VCAN: variants seen among roughly 807,000 people sequenced by gnomAD.
VCAN encodes the protein versican, also known as versican core protein.
Under a neutral mutation model 245.5 loss-of-function variants are expected in VCAN, and 44 were observed. The observed-to-expected ratio is 0.18, with a 90% CI of 0.14 to 0.23. VCAN has a LOEUF of 0.23. VCAN is among the 10% of genes least tolerant of loss of function. The probability of loss-of-function intolerance (pLI) is 1.00; values close to 1 mark genes in which losing one functional copy is unlikely to be tolerated. For missense variants in VCAN, 3,793 were observed against 4,057.9 expected (o/e 0.93, Z 1.77); for synonymous variants, 1,413 against 1,437.0 (o/e 0.98, Z 0.38).
At chr5:83,555,194 A>G (rs902625349) in intron 12 of VCAN, among the ~76,000 whole-genome samples, 156 bp downstream of exon 12, 2 of 152,190 alleles carry the variant, frequency 1.3e-5, no homozygotes, top group African/African-American at 4.8e-5. Flanking sequence ...AAGAGTTCCA[A>G]GCTACCTGAT....
rs1240452010 is a variant in VCAN, at chr5:83,521,565, G to T, written c.3259G>T (p.Val1087Phe). The change falls in exon 7 of 15, where the codon GTC becomes TTC. Residue 1087 changes from valine to phenylalanine, a missense_variant. By Grantham distance (50) the Val-to-Phe change is conservative. Transcript: ENST00000265077. ...TGAATTGTTGACAGGTTCTGAGAGG[G>T]TCCCAGTTTTAGAAACAACTCCAGT... is the stretch of plus-strand genomic sequence containing the variant. ...EDELLTGSER[V>F]PVLETTPVGK... 1 of 1,614,056 alleles carries T rather than the reference G, an allele frequency of 6.2e-7. No homozygotes were observed. The highest frequency in any genetic ancestry group is 1.3e-5 in the African/African-American group (1 of 75,032).
chr5:83,519,460 T>C lies in VCAN; in HGVS notation c.1154T>C (p.Val385Ala), dbSNP rs1439910727. 7.4e-6 allele frequency: 12 copies of C among 1,614,048 alleles called. No individual in the cohort carries two copies. Among genetic ancestry groups the C allele is most frequent in the Non-Finnish European group, 1.0e-5 (12 of 1,179,980 alleles). ...SDRTTPIIPL[V>A]DELPVIPTEF... ...AGAACTACACCAATCATCCCTTTAG[T>C]TGATGAATTACCTGTCATTCCAACA... Residue 385 changes from valine to alanine, a missense_variant, in exon 7 of 15, where the codon GTT becomes GCT. Val to Ala is a moderately conservative substitution (Grantham distance 64). This residue lies in a region of VCAN where 3,182 missense variants were observed against 3,250.3 expected (regional missense o/e 0.98). Coordinates refer to ENST00000265077, the MANE Select transcript of VCAN (RefSeq NM_004385.5).
In VCAN at chr5:83,541,563, G is replaced by A. The variant is rs747328962; in HGVS notation, c.8560G>A (p.Val2854Ile). ...GCCCAGTGCTCTGCCAGGAATAGAC[G>A]TCGGCTCATCTGTAATGTCCCCACA... ...PQPSALPGID[V>I]GSSVMSPQDS... The change falls in exon 8 of 15, where the codon GTC becomes ATC. Residue 2854 changes from valine (V) to isoleucine (I), a missense_variant. By Grantham distance (29) the Val-to-Ile change is conservative. Around this residue, in one of 5 missense-constraint regions of VCAN, gnomAD observed 3,182 missense variants for 3,250.3 expected, o/e 0.98. Coordinates refer to ENST00000265077, the MANE Select transcript of VCAN (RefSeq NM_004385.5). 15 of 1,613,726 alleles carry A rather than the reference G, an allele frequency of 9.3e-6. No individual in the cohort carries two copies. The highest frequency in any genetic ancestry group is 2.7e-5 in the African/African-American group (2 of 74,882).
chr5:83,532,548 T>G (rs975965751), intron 7 of VCAN, among the ~76,000 whole-genome samples: 1 of 152,002 alleles, frequency 6.6e-6, no homozygotes, highest in African/African-American at 2.4e-5. Flanking sequence ...CATTTCTCTC[T>G]CCTTCAAACT....
chr5:83,545,866 G>A (rs887843448), intron 9 of VCAN, among the ~76,000 whole-genome samples: 2 of 152,146 alleles, frequency 1.3e-5, no homozygotes, highest in African/African-American at 2.4e-5. Flanking sequence ...ACTCAGTGAG[G>A]CCTGCTGAGT....
At chr5:83,501,855 A>G (rs1580611104) in intron 5 of VCAN, among the ~76,000 whole-genome samples, 1 of 152,166 alleles carries the variant, frequency 6.6e-6, no homozygotes, top group South Asian at 2.1e-4. Context: ...ATAGATTGCA[A>G]TGAATCTCTA....
intron 1 of VCAN, among the ~76,000 whole-genome samples, chr5:83,476,423 A>AAATGATAAAAGAAAAT (rs1744393862): frequency 3.3e-5 from 5 of 152,188 alleles, no homozygotes; most frequent in Non-Finnish European, 7.4e-5. Context: ...TTCACCACCC[A>AAATGATAAAAGAAAAT]CGTAGAGAAA....
chr5:83,475,396 TTTTC>T (rs1431373362), intron 1 of VCAN, among the ~76,000 whole-genome samples: 4 of 152,324 alleles, frequency 2.6e-5, no homozygotes, highest in African/African-American at 9.6e-5. Context: ...AGCCACGTCT[TTTTC>T]TTTTTGTCTG....
rs549640238 is a variant in VCAN, at chr5:83,580,535, T to C, written c.*101T>C. ...AGAAGTAATTATCAGTTGGTTTGGA[T>C]TTTTGGACCACCGTTCAGTCATTTT... On this transcript the variant is annotated 3_prime_UTR_variant, in exon 15 of 15. Transcript: ENST00000265077. 1.9e-6 allele frequency: 3 copies of C among 1,549,252 alleles called. No homozygotes were observed. The African/African-American group carries it at 4.1e-5, about 21-fold the overall frequency.
intron 9 of VCAN, 42 bp from the exon 10 acceptor site, chr5:83,547,929 C>G (rs1208282671): frequency 7.8e-6 from 11 of 1,409,062 alleles, no homozygotes; most frequent in Non-Finnish European, 1.1e-5. Context: ...TTCTTTGATA[C>G]TTTTTGAAAG....
At chr5:83,475,666 G>T (rs1744363135) in intron 1 of VCAN, among the ~76,000 whole-genome samples, 1 of 152,298 alleles carries the variant, frequency 6.6e-6, no homozygotes, top group South Asian at 2.1e-4. Context: ...AGTAAAGAAA[G>T]AAATATGTTA....
chr5:83,547,902 C>T (rs1233815271), intron 9 of VCAN, 69 bp from the exon 10 acceptor site: 1 of 1,120,336 alleles, frequency 8.9e-7, no homozygotes, highest in Non-Finnish European at 1.4e-6. Context: ...TATCTTGCAA[C>T]CTCACACTAA....
intron 10 of VCAN, among the ~76,000 whole-genome samples, chr5:83,550,917 AT>A (rs1470563800): frequency 2.8e-5 from 4 of 143,628 alleles, no homozygotes; most frequent in Non-Finnish European, 6.1e-5. Context: ...AAGTGAATCA[AT>A]GTGGATAGTT....
chr5:83,521,774 T>G lies in VCAN; in HGVS notation c.3468T>G (p.Pro1156=). Residue 1156 remains proline, a synonymous_variant, in exon 7 of 15, where the codon CCT becomes CCG. Coordinates refer to ENST00000265077, the MANE Select transcript of VCAN (RefSeq NM_004385.5). ...CAGGATTTACATCATCTTTGAGTCC[T>G]TTTAGTACCCACATTACCCAGCTTA... is the stretch of plus-strand genomic sequence containing the variant. ...STTGFTSSLS[P]FSTHITQLME... The G allele has an allele frequency of 6.2e-7, 1 of 1,614,166 alleles. No individual in the cohort carries two copies. The highest frequency in any genetic ancestry group is 1.3e-5 in the African/African-American group (1 of 75,036).
rs769163332 is a variant in VCAN, at chr5:83,537,636, G to A, written c.4633G>A (p.Glu1545Lys). 9 of 1,613,702 alleles carry A rather than the reference G, an allele frequency of 5.6e-6. No individual in the cohort carries two copies. Among genetic ancestry groups the A allele is most frequent in the Non-Finnish European group, 5.9e-6 (7 of 1,179,918 alleles). ...TACTGAACCTGTATCTCTGTTTCCT[G>A]AAGAGTCTTCAGGAGAGATTGCCAT... is the stretch of plus-strand genomic sequence containing the variant. ...EHTEPVSLFP[E>K]ESSGEIAIDQ... Residue 1545 changes from glutamate (E) to lysine (K), a missense_variant, in exon 8 of 15, where the codon GAA becomes AAA. Physicochemically the swap from Glu to Lys is moderately conservative, Grantham distance 56. Around this residue, in one of 5 missense-constraint regions of VCAN, gnomAD observed 3,182 missense variants for 3,250.3 expected, o/e 0.98. Transcript: ENST00000265077.
In VCAN at chr5:83,471,951, G is replaced by A. The variant is rs1744206196; in HGVS notation, c.-79G>A. ...ACCACGCTTCCTATGTGACCCGCCT[G>A]GGCAACGCCGAACCCAGTCGCGCAG... On this transcript the variant is annotated 5_prime_UTR_variant, in exon 1 of 15. Transcript: ENST00000265077. The A allele has an allele frequency of 5.1e-6, 2 of 391,582 alleles. No homozygotes were observed. The highest frequency in any genetic ancestry group is 9.0e-6 in the Non-Finnish European group (2 of 222,324). 24.3% of individuals were successfully genotyped at this position (391,582 alleles called of 1,614,324 possible). A position where few individuals can be genotyped will look rare whatever the true frequency, so the allele number is the denominator to read the frequency against.
At chr5:83,510,357 A>G (rs934631529) in intron 5 of VCAN, among the ~76,000 whole-genome samples, 1 of 152,212 alleles carries the variant, frequency 6.6e-6, no homozygotes, top group Non-Finnish European at 1.5e-5. Flanking sequence ...ACCCACTCAG[A>G]GAAAGTAATA....
chr5:83,540,969 A>G lies in VCAN; in HGVS notation c.7966A>G (p.Thr2656Ala), dbSNP rs756823982. The change falls in exon 8 of 15, where the codon ACT becomes GCT. Residue 2656 changes from threonine to alanine, a missense_variant. Thr to Ala is a moderately conservative substitution (Grantham distance 58). Transcript: ENST00000265077. ...TCAGGCAACACATGATGAATCAATG[A>G]CTTATGAAGATAGAAGCCAACTAGA... ...YTQATHDESM[T>A]YEDRSQLDHM... is the part of the protein sequence containing the mutation. 2.1e-5 allele frequency: 34 copies of G among 1,613,978 alleles called. No homozygotes were observed. In the African/African-American group the frequency reaches 4.0e-4, roughly 19 times the overall value.
chr5:83,569,780 T>C (rs1441358210), intron 12 of VCAN, among the ~76,000 whole-genome samples: 3 of 152,286 alleles, frequency 2.0e-5, no homozygotes, highest in Middle Eastern at 3.4e-3. Context: ...ATTTAATATT[T>C]GGCGAACTCT....
Sources: allele counts gnomAD v4.1 joint callset (sites outside exome capture counted in the v4.1 genomes callset), GRCh38; gene constraint gnomAD v4.1.1; regional missense constraint gnomAD v4.1.1; transcripts MANE v1.5; gene names NCBI Gene and HGNC (gene_info 2026-07-23, HGNC 2026-07-21).